FLT1: variants seen among roughly 807,000 people sequenced by gnomAD.
FLT1 encodes vascular endothelial growth factor receptor 1.
Under a neutral mutation model 156.3 loss-of-function variants are expected in FLT1, and 49 were observed. The ratio of observed to expected loss-of-function variants is 0.31; its 90% CI spans 0.25 to 0.40. The LOEUF (loss-of-function observed/expected upper bound fraction) is 0.40. Ranked by LOEUF, FLT1 falls within the 10% of genes least tolerant of loss-of-function variation. The pLI is 1.00. For missense variants in FLT1, 1,322 were observed against 1,637.2 expected (o/e 0.81, Z 3.32); for synonymous variants, 594 against 583.8 (o/e 1.02, Z -0.25).
intron 8 of FLT1, among the ~76,000 whole-genome samples, chr13:28,428,975 ATT>A (rs1327803908): frequency 6.6e-6 from 1 of 151,168 alleles, no homozygotes; most frequent in Non-Finnish European, 1.5e-5. Context: ...GGTGGATTGA[ATT>A]TTTTTTTAAT....
intron 29 of FLT1, among the ~76,000 whole-genome samples, 181 bp from the exon 30 acceptor site, chr13:28,303,549 C>G (rs1870610856): frequency 1.3e-5 from 2 of 149,356 alleles, no homozygotes; most frequent in Admixed American, 1.3e-4. Context: ...CACACGGCCT[C>G]CCTCTTAACA....
intron 4 of FLT1, among the ~76,000 whole-genome samples, chr13:28,435,547 C>A (rs1014240833): frequency 6.6e-6 from 1 of 152,114 alleles, no homozygotes; most frequent in Non-Finnish European, 1.5e-5. Context: ...AAAGGAAATA[C>A]CAAACAGCCA....
rs56114428 is a variant in FLT1 at position 28,372,076 on chromosome 13, A to ATTTTTT, written c.2116+12803_2116+12808dup. On this transcript the variant is annotated intron_variant, in intron 14 of 29. Transcript: ENST00000282397. ...TATATATATATATATATATATATAT[A>ATTTTTT]TTTTTTTTTTTTTTTTTTTTTTTGA... Among the ~76,000 whole-genome samples, 59 of 11,752 alleles carry ATTTTTT rather than the reference A, an allele frequency of 5.0e-3. 5 individuals are homozygous for ATTTTTT. Among genetic ancestry groups the ATTTTTT allele is most frequent in the African/African-American group, 8.9e-3 (28 of 3,148 alleles). 7.7% of individuals were successfully genotyped at this position (11,752 alleles called of 152,430 possible).
At chr13:28,337,539 C>T (rs547275180) in intron 17 of FLT1, among the ~76,000 whole-genome samples, 145 of 152,338 alleles carry the variant, frequency 9.5e-4, no homozygotes, top group Non-Finnish European at 1.9e-3. Context: ...TGCAGCCACA[C>T]TCTGTATTGA....
At chr13:28,324,842 C>G (rs1871609894) in intron 20 of FLT1, among the ~76,000 whole-genome samples, 1 of 152,192 alleles carries the variant, frequency 6.6e-6, no homozygotes. Flanking sequence ...AACTCAGGCT[C>G]TCTCACTCCC....
chr13:28,388,794 A>G (rs1169405239), intron 13 of FLT1: 1 of 1,059,488 alleles, frequency 9.4e-7, no homozygotes, highest in South Asian at 4.6e-5. Context: ...TGATAAATTG[A>G]TTGTGGTACA....
intron 3 of FLT1, among the ~76,000 whole-genome samples, chr13:28,451,022 C>T (rs1878901304): frequency 6.6e-6 from 1 of 152,214 alleles, no homozygotes; most frequent in Admixed American, 6.5e-5. Context: ...AAGCAACGGA[C>T]TGATGAAGAC....
At chr13:28,379,933 C>T (rs538973244) in intron 14 of FLT1, among the ~76,000 whole-genome samples, 4 of 152,256 alleles carry the variant, frequency 2.6e-5, no homozygotes, top group African/African-American at 9.6e-5. Context: ...GTGTGCCTCA[C>T]TTCCTCTCTA....
At chr13:28,352,712 G>A (rs186123027) in intron 15 of FLT1, among the ~76,000 whole-genome samples, 1 of 152,240 alleles carries the variant, frequency 6.6e-6, no homozygotes, top group East Asian at 1.9e-4. Flanking sequence ...CTCTCTCCTC[G>A]GGAAACCTTT....
At chr13:28,429,025 C>T (rs1231672691) in intron 8 of FLT1, among the ~76,000 whole-genome samples, 1 of 152,072 alleles carries the variant, frequency 6.6e-6, no homozygotes, top group Non-Finnish European at 1.5e-5. Flanking sequence ...TCAACACTAA[C>T]AGATGAGCGT....
chr13:28,352,469 C>T (rs543179342), intron 15 of FLT1, among the ~76,000 whole-genome samples: 2 of 152,302 alleles, frequency 1.3e-5, no homozygotes, highest in African/African-American at 4.8e-5. Context: ...CTAGTTTCTA[C>T]GGAAGGAATT....
chr13:28,344,963 G>A (rs1290626179), intron 16 of FLT1, among the ~76,000 whole-genome samples: 2 of 151,604 alleles, frequency 1.3e-5, no homozygotes, highest in Non-Finnish European at 2.9e-5. Context: ...CACCATACCT[G>A]CCTAAGTTTT....
intron 12 of FLT1, 119 bp from the exon 13 acceptor site, chr13:28,390,223 A>T: frequency 7.3e-7 from 1 of 1,376,226 alleles, no homozygotes; most frequent in Non-Finnish European, 9.9e-7. Context: ...ATTAAAAAGG[A>T]TGAGTATTTG....
At chr13:28,324,705 G>A (rs1871604016) in intron 20 of FLT1, among the ~76,000 whole-genome samples, 1 of 152,224 alleles carries the variant, frequency 6.6e-6, no homozygotes, top group Admixed American at 6.5e-5. Context: ...GAAAGCGCTG[G>A]CAATAGCATG....
chr13:28,473,229 A>C (rs969512629), intron 1 of FLT1, among the ~76,000 whole-genome samples: 1 of 152,216 alleles, frequency 6.6e-6, no homozygotes, highest in African/African-American at 2.4e-5. Context: ...AGTTGATCAT[A>C]ATTTAAACAC....
At chr13:28,334,671 T>C (rs1298451062) in intron 17 of FLT1, among the ~76,000 whole-genome samples, 1 of 152,216 alleles carries the variant, frequency 6.6e-6, no homozygotes, top group African/African-American at 2.4e-5. Context: ...GTCTTTCTAA[T>C]GTGTCTTAGG....
At chr13:28,456,822 G>C (rs1375598994) in intron 3 of FLT1, among the ~76,000 whole-genome samples, 1 of 151,730 alleles carries the variant, frequency 6.6e-6, no homozygotes, top group African/African-American at 2.4e-5. Flanking sequence ...AGAAAAATAA[G>C]GATAGGTGTT....
intron 4 of FLT1, among the ~76,000 whole-genome samples, chr13:28,435,067 C>T (rs1211110527): frequency 1.3e-5 from 2 of 152,176 alleles, no homozygotes; most frequent in African/African-American, 4.8e-5. Flanking sequence ...AGATTCATAA[C>T]ATTAACTCAG....
At chr13:28,471,481 C>G (rs60065112) in intron 1 of FLT1, among the ~76,000 whole-genome samples, 5,061 of 152,200 alleles carry the variant, frequency 0.033, 274 homozygotes, top group African/African-American at 0.11. Context: ...AACAAAGATT[C>G]AACATTTGTT....
Sources: allele counts gnomAD v4.1 joint callset (sites outside exome capture counted in the v4.1 genomes callset), GRCh38; gene constraint gnomAD v4.1.1; transcripts MANE v1.5; gene names NCBI Gene and HGNC (gene_info 2026-07-23, HGNC 2026-07-21).